Variants in PCDHA3 observed in about 807,000 individuals in gnomAD.
The protein encoded by PCDHA3 is protocadherin alpha 3.
PCDHA3 carries 41 observed loss-of-function variants against 62.2 expected under a neutral mutation model. The observed-to-expected ratio is 0.66, with a 90% CI of 0.51 to 0.86. The LOEUF (loss-of-function observed/expected upper bound fraction) is 0.86, where lower values mean the gene tolerates loss of function less well. Among genes scored for constraint, PCDHA3 ranks in the 40% least tolerant of loss-of-function variants. The probability of loss-of-function intolerance (pLI) is 0.00; values close to 1 mark genes in which losing one functional copy is unlikely to be tolerated. For missense variants in PCDHA3, 1,304 were observed against 1,241.2 expected (o/e 1.05, Z -0.76); for synonymous variants, 640 against 555.4 (o/e 1.15, Z -2.14).
intron 3 of PCDHA3, among the ~76,000 whole-genome samples, chr5:140,982,798 T>C (rs1310396823): frequency 2.0e-5 from 3 of 151,768 alleles, no homozygotes; most frequent in African/African-American, 7.3e-5. Flanking sequence ...TGTGTGCATG[T>C]GTGTGTGTGT....
intron 1 of PCDHA3, chr5:140,859,407 TA>T (rs1351466050): frequency 4.1e-6 from 1 of 244,528 alleles, no homozygotes; most frequent in African/African-American, 2.3e-5. Context: ...AGGGTTGGGT[TA>T]GATGATATAG....
intron 1 of PCDHA3, among the ~76,000 whole-genome samples, chr5:140,943,257 C>CAAA (rs1238620023): frequency 1.0e-4 from 8 of 76,640 alleles, no homozygotes; most frequent in Admixed American, 6.0e-4. Context: ...GACTCTGTCT[C>CAAA]AAAAAAAAAA....
rs189094380 is a variant in PCDHA3 at position 140,918,016 on chromosome 5, T to C, written c.2395-60933T>C. Among the ~76,000 whole-genome samples the C allele has an allele frequency of 1.3e-4, 20 of 152,344 alleles. No individual in the cohort carries two copies. The East Asian group carries it at 3.9e-3, about 29-fold the overall frequency. ...TTATCTTAACAATGTTGTTTCTTCC[T>C]ACCCATGAGCGTGGAAGGTCTTTCC... On this transcript the variant is annotated intron_variant, in intron 1 of 3. Transcript: ENST00000522353.
At chr5:140,857,864 C>T (rs782625866) in intron 1 of PCDHA3, 4 of 1,597,766 alleles carry the variant, frequency 2.5e-6, no homozygotes, top group Middle Eastern at 3.4e-4. Flanking sequence ...CAACGCGTGG[C>T]TGTCGTATGA....
intron 1 of PCDHA3, chr5:140,841,263 GT>G (rs1777118084): frequency 6.6e-7 from 1 of 1,521,614 alleles, no homozygotes; most frequent in African/African-American, 1.4e-5. Flanking sequence ...GACTCTGAAA[GT>G]ACAGTCGTTC....
rs782188760 is a variant in PCDHA3, at chr5:140,877,108, G to A, written c.2394+73517G>A. 2.5e-5 allele frequency: 41 copies of A among 1,613,540 alleles called. No individual in the cohort carries two copies. Among genetic ancestry groups the A allele is most frequent in the South Asian group, 1.1e-4 (10 of 91,052 alleles). ...GCGCGACGCCGGCGTGCCGCCTCTG[G>A]GCAGCAACGTGACGCTGCAGGTGTT... On this transcript the variant is annotated intron_variant, in intron 1 of 3. Transcript: ENST00000522353.
At chr5:140,930,842 T>C (rs183476886) in intron 1 of PCDHA3, among the ~76,000 whole-genome samples, 1 of 152,338 alleles carries the variant, frequency 6.6e-6, no homozygotes, top group Admixed American at 6.5e-5. Flanking sequence ...TGAATAAATA[T>C]GTGCATATAT....
chr5:141,003,044 T>C (rs1459180030), intron 3 of PCDHA3, among the ~76,000 whole-genome samples: 1 of 152,230 alleles, frequency 6.6e-6, no homozygotes, highest in African/African-American at 2.4e-5. Flanking sequence ...CCTCCTGGCC[T>C]TAACAGAACA....
chr5:140,925,878 ACCT>A (rs1554202987), intron 1 of PCDHA3, among the ~76,000 whole-genome samples: 1 of 151,658 alleles, frequency 6.6e-6, no homozygotes. Flanking sequence ...CTGGTTTATA[ACCT>A]CCTCTTTCAC....
At chr5:140,992,044 T>A (rs1160444128) in intron 3 of PCDHA3, among the ~76,000 whole-genome samples, 1 of 151,788 alleles carries the variant, frequency 6.6e-6, no homozygotes, top group African/African-American at 2.4e-5. Flanking sequence ...TGTGTGTGTG[T>A]GTGTGTGTGT....
intron 1 of PCDHA3, among the ~76,000 whole-genome samples, chr5:140,937,247 C>T (rs1370735573): frequency 6.6e-6 from 1 of 151,974 alleles, no homozygotes; most frequent in Non-Finnish European, 1.5e-5. Context: ...CCGTGTTAGC[C>T]AGGATGGTCT....
intron 3 of PCDHA3, among the ~76,000 whole-genome samples, chr5:140,987,219 A>G (rs1340141684): frequency 6.6e-6 from 1 of 151,240 alleles, no homozygotes; most frequent in African/African-American, 2.5e-5. Flanking sequence ...ATCTCAAAAA[A>G]AAAAAAAATA....
At chr5:140,868,805 C>T (rs1316864299) in intron 1 of PCDHA3, 7 of 356,302 alleles carry the variant, frequency 2.0e-5, no homozygotes, top group African/African-American at 1.4e-4. Context: ...TAAATAAGCA[C>T]GTTGGAAATA....
chr5:140,984,981 A>G (rs2097130201), intron 3 of PCDHA3, among the ~76,000 whole-genome samples: 1 of 151,972 alleles, frequency 6.6e-6, no homozygotes, highest in South Asian at 2.1e-4. Flanking sequence ...TCTGTCCCCC[A>G]GGCTGGAGTC....
Position 140,938,107 on chromosome 5 carries a change from T to C in PCDHA3, c.2395-40842T>C, listed in dbSNP as rs73266057. On this transcript the variant is annotated intron_variant, in intron 1 of 3. Coordinates refer to ENST00000522353, the MANE Select transcript of PCDHA3 (RefSeq NM_018906.3). ...TAGTTTTATTATTGTATTTTTTACT[T>C]TCTCTCTTTTTTTAAAAAAATAGAG... is the stretch of plus-strand genomic sequence containing the variant. 3.3e-3 allele frequency among the ~76,000 whole-genome samples: 502 copies of C among 152,318 alleles called. 3 individuals carry two copies. Among genetic ancestry groups the C allele is most frequent in the African/African-American group, 0.012 (483 of 41,576 alleles).
intron 1 of PCDHA3, among the ~76,000 whole-genome samples, chr5:140,970,254 T>C (rs1315934666): frequency 1.3e-5 from 2 of 152,238 alleles, no homozygotes; most frequent in African/African-American, 4.8e-5. Context: ...TGACAGTTTC[T>C]ATGGTTTTGA....
intron 1 of PCDHA3, among the ~76,000 whole-genome samples, chr5:140,911,760 A>G (rs1295639313): frequency 6.6e-6 from 1 of 151,962 alleles, no homozygotes; most frequent in African/African-American, 2.4e-5. Flanking sequence ...TCTCCATACT[A>G]TTAGAAGTAC....
rs781997820 is a variant in PCDHA3 at position 140,807,615 on chromosome 5, C to A, written c.2394+4024C>A. On this transcript the variant is annotated intron_variant, in intron 1 of 3. Transcript: ENST00000522353. ...GCAACACAAAAGAACCTGTCCATCG[C>A]GGAATCCAGGCCGCTTGACTCTCGG... The A allele has an allele frequency of 1.4e-5, 22 of 1,614,038 alleles. 1 individual carries two copies. In the South Asian group the frequency reaches 2.3e-4, roughly 17 times the overall value.
intron 3 of PCDHA3, among the ~76,000 whole-genome samples, chr5:140,986,774 A>G (rs1201484926): frequency 6.6e-6 from 1 of 152,226 alleles, no homozygotes; most frequent in Non-Finnish European, 1.5e-5. Context: ...TTAATTAGGT[A>G]GCGGAAGCCA....
Sources: allele counts gnomAD v4.1 joint callset (sites outside exome capture counted in the v4.1 genomes callset), GRCh38; gene constraint gnomAD v4.1.1; transcripts MANE v1.5; gene names NCBI Gene and HGNC (gene_info 2026-07-23, HGNC 2026-07-21).